TRIM44: variants seen among roughly 807,000 people sequenced by gnomAD.
The protein encoded by TRIM44 is tripartite motif-containing protein 44.
A neutral mutation model predicts 37.4 loss-of-function variants in TRIM44; 13 were observed. That is an observed-to-expected ratio of 0.35 (90% CI 0.23 to 0.55). The LOEUF (loss-of-function observed/expected upper bound fraction) is 0.55. TRIM44 is among the 20% of genes least tolerant of loss of function. The pLI is 0.89. For synonymous variants in TRIM44, 175 were observed against 157.2 expected (o/e 1.11, Z -0.85); for missense variants, 426 against 437.2 (o/e 0.97, Z 0.23).
At chr11:35,759,488 C>T (rs558601145) in intron 4 of TRIM44, among the ~76,000 whole-genome samples, 1 of 152,342 alleles carries the variant, frequency 6.6e-6, no homozygotes, top group African/African-American at 2.4e-5. Flanking sequence ...CTGAAGCCTT[C>T]TTCTCTCAAC....
intron 4 of TRIM44, among the ~76,000 whole-genome samples, chr11:35,755,810 G>A (rs1852629551): frequency 6.6e-6 from 1 of 152,192 alleles, no homozygotes. Flanking sequence ...AGATCAGATA[G>A]TTGTAGATAT....
chr11:35,710,228 T>C (rs1293486349), intron 2 of TRIM44, among the ~76,000 whole-genome samples: 1 of 152,166 alleles, frequency 6.6e-6, no homozygotes, highest in Non-Finnish European at 1.5e-5. Context: ...TTTCAGGCCA[T>C]ATTTAGTTTG....
At position 35,780,672 on chromosome 11, in the gene TRIM44, A is replaced by T. The variant is rs187351439; in HGVS notation, c.1008-25686A>T. 1.4e-4 allele frequency among the ~76,000 whole-genome samples: 22 copies of T among 152,334 alleles called. No homozygotes were observed. In the East Asian group the frequency reaches 3.7e-3, roughly 25 times the overall value. On this transcript the variant is annotated intron_variant, in intron 4 of 4. Coordinates refer to ENST00000299413, the MANE Select transcript of TRIM44 (RefSeq NM_017583.6). ...ATATTCATACATGTTGTAAGTGGCA[A>T]GATCAGGACTCTTTCTACAATTCCA...
intron 4 of TRIM44, among the ~76,000 whole-genome samples, chr11:35,736,675 A>G (rs141640013): frequency 3.3e-5 from 5 of 152,306 alleles, no homozygotes; most frequent in African/African-American, 1.2e-4. Context: ...TGGAACAACA[A>G]GATCTTGTCT....
intron 4 of TRIM44, among the ~76,000 whole-genome samples, chr11:35,795,048 A>G (rs1269613887): frequency 6.6e-6 from 1 of 152,212 alleles, no homozygotes; most frequent in Non-Finnish European, 1.5e-5. Flanking sequence ...TTAATGAGTC[A>G]TTCATTCCAA....
At chr11:35,685,214 G>C in intron 1 of TRIM44, 45 bp from the exon 2 acceptor site, 1 of 1,512,654 alleles carries the variant, frequency 6.6e-7, no homozygotes, top group African/African-American at 1.4e-5. Context: ...GTTTGAGAGA[G>C]CAACAAAATG....
chr11:35,787,935 T>C (rs1426330208), intron 4 of TRIM44, among the ~76,000 whole-genome samples: 5 of 152,232 alleles, frequency 3.3e-5, no homozygotes, highest in South Asian at 2.1e-4. Context: ...TTTATGGACA[T>C]GGCTCACTTT....
intron 1 of TRIM44, among the ~76,000 whole-genome samples, chr11:35,672,364 A>G (rs1328776324): frequency 6.6e-6 from 1 of 152,124 alleles, no homozygotes; most frequent in Non-Finnish European, 1.5e-5. Flanking sequence ...ATGGCACACT[A>G]ATGTGTCATG....
intron 1 of TRIM44, among the ~76,000 whole-genome samples, chr11:35,681,227 T>G (rs1184310992): frequency 1.3e-5 from 2 of 152,232 alleles, no homozygotes; most frequent in African/African-American, 2.4e-5. Context: ...TCATTTGATT[T>G]TCACCAGCCA....
chr11:35,685,394 A>G, intron 2 of TRIM44, 58 bp downstream of exon 2: 1 of 1,456,532 alleles, frequency 6.9e-7, no homozygotes, highest in East Asian at 2.3e-5. Context: ...ATTCTCCTTG[A>G]GCTAAAATTG....
At chr11:35,804,460 G>T (rs993240958) in intron 4 of TRIM44, among the ~76,000 whole-genome samples, 8 of 152,156 alleles carry the variant, frequency 5.3e-5, no homozygotes, top group African/African-American at 1.4e-4. Context: ...AATTTCATTA[G>T]GTCCATGAAC....
chr11:35,803,221 G>T (rs1334656799), intron 4 of TRIM44, among the ~76,000 whole-genome samples: 3 of 151,152 alleles, frequency 2.0e-5, no homozygotes, highest in Non-Finnish European at 2.9e-5. Context: ...CTCTCTCATT[G>T]GTAAGTACCT....
At chr11:35,699,667 C>T (rs1234090400) in intron 2 of TRIM44, among the ~76,000 whole-genome samples, 3 of 151,502 alleles carry the variant, frequency 2.0e-5, no homozygotes, top group African/African-American at 4.9e-5. Flanking sequence ...CAAATTGTCC[C>T]TGTTTGCAGA....
intron 3 of TRIM44, among the ~76,000 whole-genome samples, chr11:35,728,442 C>T (rs1033089351): frequency 6.6e-6 from 1 of 152,186 alleles, no homozygotes; most frequent in African/African-American, 2.4e-5. Flanking sequence ...TGCTTGTTAA[C>T]TCTGATGGAA....
intron 4 of TRIM44, among the ~76,000 whole-genome samples, chr11:35,784,289 A>G (rs1030877867): frequency 6.6e-6 from 1 of 152,192 alleles, no homozygotes; most frequent in Non-Finnish European, 1.5e-5. Flanking sequence ...TGTGCCAAAA[A>G]TACTATTTCT....
chr11:35,712,053 T>C (rs1373329384), intron 2 of TRIM44, among the ~76,000 whole-genome samples: 1 of 152,172 alleles, frequency 6.6e-6, no homozygotes, highest in Non-Finnish European at 1.5e-5. Flanking sequence ...CAGTCTCCAC[T>C]TTTGGGATCC....
At chr11:35,699,015 T>C in intron 2 of TRIM44, among the ~76,000 whole-genome samples, 1 of 146,852 alleles carries the variant, frequency 6.8e-6, no homozygotes, top group Non-Finnish European at 1.5e-5. Context: ...CTAGCCAGTT[T>C]TCCCAGCACC....
At position 35,721,957 on chromosome 11, in the gene TRIM44, G is replaced by A. The variant is rs537006072; in HGVS notation, c.748-3967G>A. 4.6e-5 allele frequency among the ~76,000 whole-genome samples: 7 copies of A among 152,300 alleles called. No individual in the cohort carries two copies. In the South Asian group the frequency reaches 1.5e-3, roughly 32 times the overall value. On this transcript the variant is annotated intron_variant, in intron 2 of 4. Transcript: ENST00000299413. ...TTTTCCCTTGCCTGCCCTCACTGGA[G>A]TCTGGCCTAAGTTTGGAAGGAGCTG...
At chr11:35,669,806 CTGTT>C (rs995074022) in intron 1 of TRIM44, among the ~76,000 whole-genome samples, 4 of 151,390 alleles carry the variant, frequency 2.6e-5, no homozygotes, top group Non-Finnish European at 2.9e-5. Flanking sequence ...AATGGTTTTT[CTGTT>C]TGTTTGTTTT....
Sources: gnomAD v4.1 joint callset for allele counts (sites outside exome capture counted in the v4.1 genomes callset) on GRCh38, gnomAD v4.1.1 for gene constraint, MANE v1.5 for transcripts, NCBI Gene and HGNC (gene_info 2026-07-23, HGNC 2026-07-21) for gene names.